The following DDX46 variants were observed in gnomAD, a reference collection of about 807,000 sequenced individuals.
DDX46 encodes the protein DEAD-box helicase 46.
Under a neutral mutation model 134.9 loss-of-function variants are expected in DDX46, and 30 were observed. The observed-to-expected ratio is 0.22, with a 90% CI of 0.17 to 0.30. DDX46 has a LOEUF of 0.30. DDX46 is among the 10% of genes least tolerant of loss of function. The probability of loss-of-function intolerance (pLI) is 1.00; values close to 1 mark genes in which losing one functional copy is unlikely to be tolerated. For missense variants in DDX46, 622 were observed against 1,248.7 expected (o/e 0.50, Z 7.56); for synonymous variants, 415 against 404.1 (o/e 1.03, Z -0.32).
intron 13 of DDX46, among the ~76,000 whole-genome samples, chr5:134,791,232 C>T (rs1754493949): frequency 6.6e-6 from 1 of 152,138 alleles, no homozygotes; most frequent in Non-Finnish European, 1.5e-5. Flanking sequence ...AAGATAATGG[C>T]CCAAAGAATT....
Position 134,758,792 on chromosome 5 carries a change from C to G in DDX46, c.-147C>G, listed in dbSNP as rs1017832029. 1 of 1,295,586 alleles carries G rather than the reference C, an allele frequency of 7.7e-7. No homozygotes were observed. The allele number at this position is 1,295,586 out of a possible 1,614,324, so 80.3% of individuals were successfully genotyped here. A position where few individuals can be genotyped will look rare whatever the true frequency, so the allele number is the denominator to read the frequency against. Reference sequence around the variant, plus strand: ...CGCCAGCACGTCCTGTTTTCGTTGGCCGCGCTGGGATGGCCGCCACAGCTG... The same window carrying G: ...CGCCAGCACGTCCTGTTTTCGTTGGGCGCGCTGGGATGGCCGCCACAGCTG... On this transcript the variant is annotated 5_prime_UTR_variant, in exon 1 of 23. Transcript: ENST00000452510.
chr5:134,789,914 GT>G (rs1404155948), intron 12 of DDX46, among the ~76,000 whole-genome samples: 1 of 152,106 alleles, frequency 6.6e-6, no homozygotes, highest in African/African-American at 2.4e-5. Flanking sequence ...AAGTTTTTGT[GT>G]GATACTTTAA....
At chr5:134,786,239 A>G (rs1375286691) in intron 11 of DDX46, among the ~76,000 whole-genome samples, 1 of 152,160 alleles carries the variant, frequency 6.6e-6, no homozygotes, top group Non-Finnish European at 1.5e-5. Flanking sequence ...CAGAGTGTAT[A>G]TGTATATCAA....
intron 5 of DDX46, among the ~76,000 whole-genome samples, chr5:134,775,627 G>T (rs1753910329): frequency 6.6e-6 from 1 of 151,968 alleles, no homozygotes; most frequent in Non-Finnish European, 1.5e-5. Flanking sequence ...TGGCCAGGTT[G>T]GTGTCAAACT....
At chr5:134,791,270 A>G (rs1754495113) in intron 13 of DDX46, among the ~76,000 whole-genome samples, 1 of 152,224 alleles carries the variant, frequency 6.6e-6, no homozygotes, top group African/African-American at 2.4e-5. Flanking sequence ...TATGTTCCTT[A>G]TATATGCTCT....
chr5:134,791,721 C>A (rs1754509237), intron 13 of DDX46, among the ~76,000 whole-genome samples: 1 of 152,154 alleles, frequency 6.6e-6, no homozygotes, highest in South Asian at 2.1e-4. Context: ...TTAGCCTTTT[C>A]AGTTTATCCA....
At chr5:134,819,048 G>C in intron 21 of DDX46, 44 bp downstream of exon 21, 2 of 1,598,146 alleles carry the variant, frequency 1.3e-6, no homozygotes, top group Non-Finnish European at 8.5e-7. Flanking sequence ...TTAGATCAAG[G>C]TTGATGTAGA....
intron 15 of DDX46, among the ~76,000 whole-genome samples, chr5:134,796,591 G>C (rs187910726): frequency 6.6e-6 from 1 of 152,146 alleles, no homozygotes; most frequent in African/African-American, 2.4e-5. Flanking sequence ...GGTAGCTCAC[G>C]CCTGTAATCC....
chr5:134,819,082 G>A, intron 21 of DDX46, 78 bp downstream of exon 21: 3 of 1,505,676 alleles, frequency 2.0e-6, no homozygotes, highest in Non-Finnish European at 2.7e-6. Context: ...AAGAGCATGT[G>A]AGGTCAATTC....
intron 16 of DDX46, among the ~76,000 whole-genome samples, chr5:134,810,592 C>A (rs902344109): frequency 2.0e-5 from 3 of 151,896 alleles, no homozygotes; most frequent in South Asian, 2.1e-4. Context: ...ATCCACCCCC[C>A]CTTGGCCTCC....
intron 1 of DDX46, among the ~76,000 whole-genome samples, chr5:134,762,074 A>G (rs970329543): frequency 6.6e-5 from 10 of 152,038 alleles, no homozygotes; most frequent in Admixed American, 3.9e-4. Context: ...CCTGAGCAAC[A>G]TAGCAAGACT....
intron 15 of DDX46, among the ~76,000 whole-genome samples, chr5:134,800,441 A>G (rs1355487492): frequency 6.6e-6 from 1 of 152,060 alleles, no homozygotes; most frequent in Non-Finnish European, 1.5e-5. Flanking sequence ...ATAATATTCT[A>G]TTATATGACT....
intron 15 of DDX46, among the ~76,000 whole-genome samples, chr5:134,805,358 G>A (rs1215361123): frequency 1.3e-5 from 2 of 151,986 alleles, no homozygotes; most frequent in Non-Finnish European, 2.9e-5. Flanking sequence ...AGTAGAGACG[G>A]AGTTTCACCA....
chr5:134,766,988 C>T lies in DDX46; in HGVS notation c.278C>T (p.Ser93Leu). 1.9e-6 allele frequency: 3 copies of T among 1,614,138 alleles called. No homozygotes were observed. Among genetic ancestry groups the T allele is most frequent in the Non-Finnish European group, 2.5e-6 (3 of 1,180,020 alleles). ...RRSRSRDRRR[S>L]RSRSRGRRSR... ...TCTCGAAGTAGAGACAGGAGACGCT[C>T]AAGGAGTAGAAGCCGGGGCCGGCGA... Residue 93 changes from serine (S) to leucine (L), a missense_variant, in exon 3 of 23, where the codon TCA (serine) becomes TTA (leucine). By Grantham distance (145) the Ser-to-Leu change is moderately radical (BLOSUM62 -2). Around this residue, in one of 8 missense-constraint regions of DDX46, gnomAD observed 244 missense variants for 349.3 expected, o/e 0.70. Transcript: ENST00000452510.
intron 15 of DDX46, among the ~76,000 whole-genome samples, chr5:134,799,929 T>TC (rs1040457539): frequency 6.6e-6 from 1 of 152,072 alleles, no homozygotes. Context: ...TTTATCTCTG[T>TC]CCCTACCCCT....
intron 1 of DDX46, among the ~76,000 whole-genome samples, chr5:134,762,150 G>A (rs369981207): frequency 3.3e-5 from 5 of 151,620 alleles, no homozygotes; most frequent in Admixed American, 1.3e-4. Flanking sequence ...ACGCTTTTAT[G>A]CTTTTGGTCC....
In DDX46 at chr5:134,796,814, C is replaced by T. The variant is rs549702257; in HGVS notation, c.1954+664C>T. Reference sequence around the variant, plus strand: ...GTTGCTGTGAGCTGAGATCATGCCACTGCACTCCACTCTGGGCAACAGAGT... The same window carrying T: ...GTTGCTGTGAGCTGAGATCATGCCATTGCACTCCACTCTGGGCAACAGAGT... On this transcript the variant is annotated intron_variant, in intron 15 of 22. Coordinates refer to ENST00000452510, the MANE Select transcript of DDX46 (RefSeq NM_001300860.2). 5.6e-4 allele frequency among the ~76,000 whole-genome samples: 77 copies of T among 137,572 alleles called. 1 individual carries two copies. The highest frequency in any genetic ancestry group is 2.0e-3 in the African/African-American group (73 of 36,122). 90.3% of individuals were successfully genotyped at this position (137,572 alleles called of 152,430 possible).
chr5:134,776,593 C>T (rs1753943533), intron 5 of DDX46, among the ~76,000 whole-genome samples: 1 of 151,994 alleles, frequency 6.6e-6, no homozygotes, highest in South Asian at 2.1e-4. Flanking sequence ...GCAGTTCAAA[C>T]CTATGTTGTT....
chr5:134,808,027 T>A, intron 16 of DDX46, 86 bp downstream of exon 16: 2 of 1,229,320 alleles, frequency 1.6e-6, no homozygotes, highest in Non-Finnish European at 2.2e-6. Flanking sequence ...TAATAGGAGT[T>A]ATGGAGACAT....
Sources: gnomAD v4.1 joint callset for allele counts (sites outside exome capture counted in the v4.1 genomes callset) on GRCh38, gnomAD v4.1.1 for gene constraint, gnomAD v4.1.1 regional missense constraint, MANE v1.5 for transcripts, NCBI Gene and HGNC (gene_info 2026-07-23, HGNC 2026-07-21) for gene names.